The following CAMK2D variants were observed in gnomAD, a reference collection of about 807,000 sequenced individuals.
The protein encoded by CAMK2D is calcium/calmodulin dependent protein kinase II delta, also known as calcium/calmodulin-dependent protein kinase type II subunit delta.
A neutral mutation model predicts 84.0 loss-of-function variants in CAMK2D; 37 were observed. That is an observed-to-expected ratio of 0.44 (90% CI 0.34 to 0.58). The LOEUF (loss-of-function observed/expected upper bound fraction) is 0.58, where lower values mean the gene tolerates loss of function less well. Among genes scored for constraint, CAMK2D ranks in the 20% least tolerant of loss-of-function variants. The probability of loss-of-function intolerance (pLI) is 0.02; values close to 1 mark genes in which losing one functional copy is unlikely to be tolerated. For missense variants in CAMK2D, 448 were observed against 652.5 expected (o/e 0.69, Z 3.41); for synonymous variants, 202 against 212.5 (o/e 0.95, Z 0.43).
At chr4:113,708,113 T>C (rs1433788128) in intron 2 of CAMK2D, among the ~76,000 whole-genome samples, 1 of 152,176 alleles carries the variant, frequency 6.6e-6, no homozygotes, top group Non-Finnish European at 1.5e-5. Flanking sequence ...AGTCTGTAAT[T>C]TCCTATCCCA....
intron 4 of CAMK2D, among the ~76,000 whole-genome samples, chr4:113,563,545 C>T (rs1268392068): frequency 6.6e-6 from 1 of 152,250 alleles, no homozygotes; most frequent in Admixed American, 6.5e-5. Flanking sequence ...TTTGCTGGAC[C>T]CTAAGAAGGA....
chr4:113,462,912 C>A lies in CAMK2D; in HGVS notation c.1211+2617G>T, dbSNP rs200902754. The stretch of plus-strand genomic sequence containing the variant: ...TCTTTGGATAATCATATGTATCTAA[C>A]AAGGATATAACAGCAACAAGAATTT... On this transcript the variant is annotated intron_variant, in intron 17 of 20. Coordinates refer to ENST00000511664, the MANE Select transcript of CAMK2D (RefSeq NM_001321571.2). Among the ~76,000 whole-genome samples the A allele has an allele frequency of 1.3e-4, 20 of 151,936 alleles. 1 individual carries two copies. The East Asian group carries it at 3.9e-3, about 29-fold the overall frequency.
At chr4:113,511,314 T>C (rs943012287) in intron 12 of CAMK2D, among the ~76,000 whole-genome samples, 2 of 152,108 alleles carry the variant, frequency 1.3e-5, no homozygotes, top group Admixed American at 6.5e-5. Flanking sequence ...ATTAAAAAAA[T>C]TGCTTTTTCA....
chr4:113,601,217 C>T (rs1301357899), intron 4 of CAMK2D, among the ~76,000 whole-genome samples: 2 of 152,154 alleles, frequency 1.3e-5, no homozygotes, highest in Admixed American at 1.3e-4. Flanking sequence ...TAATTTGCCA[C>T]TGTGGAGCAC....
In CAMK2D at chr4:113,551,517, C is replaced by T. The variant is rs888066853; in HGVS notation, c.341+514G>A. 5.3e-5 allele frequency among the ~76,000 whole-genome samples: 8 copies of T among 152,192 alleles called. No individual in the cohort carries two copies. In the East Asian group the frequency reaches 1.5e-3, roughly 29 times the overall value. ...ATTAGATATTCATTGTTCAGTAGAA[C>T]TTTCTGTGATGATGAAAATGTTCTA... On this transcript the variant is annotated intron_variant, in intron 5 of 20. Coordinates refer to ENST00000511664, the MANE Select transcript of CAMK2D (RefSeq NM_001321571.2).
chr4:113,515,828 A>G (rs1482318640), intron 9 of CAMK2D, among the ~76,000 whole-genome samples: 1 of 152,226 alleles, frequency 6.6e-6, no homozygotes, highest in African/African-American at 2.4e-5. Flanking sequence ...AAATTTCACC[A>G]AAGTATATGA....
intron 16 of CAMK2D, among the ~76,000 whole-genome samples, chr4:113,487,773 T>C (rs2097779729): frequency 1.3e-5 from 2 of 152,158 alleles, no homozygotes; most frequent in South Asian, 4.1e-4. Context: ...AACTTTGAGT[T>C]AAATGTCTTT....
At chr4:113,513,062 A>T in intron 12 of CAMK2D, 1 of 374,048 alleles carries the variant, frequency 2.7e-6, no homozygotes, top group Non-Finnish European at 3.7e-6. Context: ...AGATGAGGCT[A>T]GTCCTGCACC....
intron 2 of CAMK2D, among the ~76,000 whole-genome samples, chr4:113,665,722 T>C (rs1435122625): frequency 3.9e-5 from 6 of 152,228 alleles, no homozygotes; most frequent in African/African-American, 1.4e-4. Context: ...TATTATTCCT[T>C]TGAAGCTCAA....
At position 113,689,345 on chromosome 4, in the gene CAMK2D, G is replaced by A. The variant is rs531336171; in HGVS notation, c.161-27573C>T. 6.6e-5 allele frequency among the ~76,000 whole-genome samples: 10 copies of A among 152,282 alleles called. No homozygotes were observed. In the East Asian group the frequency reaches 1.9e-3, roughly 29 times the overall value. The stretch of plus-strand genomic sequence containing the variant: ...TCTCTCAGAAAGCTGACTTCCTCCA[G>A]CATGAACAAAGCTGTTTGATGCTGA... On this transcript the variant is annotated intron_variant, in intron 2 of 20. Transcript: ENST00000511664.
At chr4:113,604,080 A>AAGCT in intron 4 of CAMK2D, among the ~76,000 whole-genome samples, 1 of 152,226 alleles carries the variant, frequency 6.6e-6, no homozygotes, top group East Asian at 1.9e-4. Context: ...TAGATTCTGA[A>AAGCT]TAGCTAACAT....
intron 2 of CAMK2D, among the ~76,000 whole-genome samples, chr4:113,751,719 G>C (rs1315166021): frequency 6.6e-6 from 1 of 152,028 alleles, no homozygotes; most frequent in Non-Finnish European, 1.5e-5. Context: ...GCAGTGAGCC[G>C]AGATAGCACC....
chr4:113,709,746 G>GAGATATATACATATATATATATAT (rs1554070631), intron 2 of CAMK2D, among the ~76,000 whole-genome samples: 1 of 49,824 alleles, frequency 2.0e-5, no homozygotes, highest in Non-Finnish European at 3.5e-5. Context: ...AGCCGTGAAC[G>GAGATATATACATATATATATATAT]ATATATATAT....
intron 2 of CAMK2D, among the ~76,000 whole-genome samples, chr4:113,668,077 C>A (rs6533709): frequency 0.46 from 69,918 of 151,764 alleles, 16,763 homozygotes; most frequent in African/African-American, 0.61. Context: ...TTCTATATGG[C>A]CTGGAAACCA....
chr4:113,475,556 A>G (rs1204506568), intron 16 of CAMK2D, among the ~76,000 whole-genome samples: 1 of 152,276 alleles, frequency 6.6e-6, no homozygotes, highest in Admixed American at 6.5e-5. Context: ...TCTCACACCA[A>G]TGTTGCCTCA....
At chr4:113,604,315 T>C (rs1042067630) in intron 4 of CAMK2D, among the ~76,000 whole-genome samples, 1 of 152,210 alleles carries the variant, frequency 6.6e-6, no homozygotes, top group Non-Finnish European at 1.5e-5. Flanking sequence ...TGCTTACTTT[T>C]CCTTTTCATA....
intron 3 of CAMK2D, among the ~76,000 whole-genome samples, chr4:113,626,906 G>A (rs1192509615): frequency 2.0e-5 from 3 of 152,096 alleles, no homozygotes; most frequent in African/African-American, 7.2e-5. Flanking sequence ...TGATGAATCA[G>A]GCTCATATAA....
At chr4:113,746,288 A>T (rs756702635) in intron 2 of CAMK2D, among the ~76,000 whole-genome samples, 1 of 152,242 alleles carries the variant, frequency 6.6e-6, no homozygotes, top group Non-Finnish European at 1.5e-5. Flanking sequence ...ATTTCAAAAC[A>T]TATACCTTAA....
At chr4:113,610,938 GCA>G (rs1174285198) in intron 3 of CAMK2D, among the ~76,000 whole-genome samples, 10 of 151,808 alleles carry the variant, frequency 6.6e-5, no homozygotes, top group Non-Finnish European at 1.5e-5. Context: ...CAGAGATCTG[GCA>G]CATAGTAGAT....
Sources: allele counts gnomAD v4.1 joint callset (sites outside exome capture counted in the v4.1 genomes callset), GRCh38; gene constraint gnomAD v4.1.1; transcripts MANE v1.5; gene names NCBI Gene and HGNC (gene_info 2026-07-23, HGNC 2026-07-21).